DZIP1L: variants seen among roughly 807,000 people sequenced by gnomAD.
The protein encoded by DZIP1L is DAZ interacting zinc finger protein 1 like, also known as cilium assembly protein DZIP1L.
DZIP1L carries 90 observed loss-of-function variants against 88.7 expected under a neutral mutation model. The observed-to-expected ratio is 1.02, with a 90% CI of 0.86 to 1.21. The LOEUF (loss-of-function observed/expected upper bound fraction) is 1.21. Among genes scored for constraint, DZIP1L ranks in the 50% most tolerant of loss-of-function variants. The pLI is 0.00. For synonymous variants in DZIP1L, 363 were observed against 372.1 expected (o/e 0.98, Z 0.28); for missense variants, 932 against 955.8 (o/e 0.98, Z 0.33).
intron 12 of DZIP1L, among the ~76,000 whole-genome samples, chr3:138,069,488 T>C (rs898454440): frequency 2.6e-5 from 4 of 152,174 alleles, no homozygotes; most frequent in Admixed American, 2.0e-4. Flanking sequence ...AGCTATGCAC[T>C]GCTCTCAGTG....
intron 2 of DZIP1L, among the ~76,000 whole-genome samples, chr3:138,099,542 T>C (rs1251268945): frequency 6.6e-6 from 1 of 152,194 alleles, no homozygotes; most frequent in Non-Finnish European, 1.5e-5. Context: ...ATTGTTTGAA[T>C]GTTTGTCCCT....
intron 4 of DZIP1L, 28 bp from the exon 5 acceptor site, chr3:138,092,572 T>A: frequency 6.5e-7 from 1 of 1,541,506 alleles, no homozygotes; most frequent in Non-Finnish European, 8.7e-7. Context: ...AACAATATGA[T>A]GATTAATTCC....
chr3:138,090,228 A>C (rs1944144305), intron 5 of DZIP1L, among the ~76,000 whole-genome samples: 1 of 152,206 alleles, frequency 6.6e-6, no homozygotes, highest in South Asian at 2.1e-4. Flanking sequence ...ATCCAAGTTA[A>C]AAAGGATATC....
At chr3:138,072,160 G>C (rs1352686187) in intron 11 of DZIP1L, among the ~76,000 whole-genome samples, 1 of 152,178 alleles carries the variant, frequency 6.6e-6, no homozygotes, top group Non-Finnish European at 1.5e-5. Context: ...CTGAATCCTA[G>C]GATAAGAGAC....
rs770287494 is a variant in DZIP1L at position 138,081,772 on chromosome 3, G to C, written c.1204-8C>G. On this transcript the variant is annotated splice_polypyrimidine_tract_variant and splice_region_variant and intron_variant, in intron 8 of 15. Coordinates refer to ENST00000327532, the MANE Select transcript of DZIP1L (RefSeq NM_173543.3). ...GAGAGACAAGGACTGGATCTGCAAA[G>C]AGGTGGAATAGAGCGGGTTACAACC... 5 of 1,613,340 alleles carry C rather than the reference G, an allele frequency of 3.1e-6. No homozygotes were observed.
chr3:138,110,137 C>T (rs572645040), intron 1 of DZIP1L, among the ~76,000 whole-genome samples: 6 of 152,112 alleles, frequency 3.9e-5, no homozygotes, highest in Non-Finnish European at 8.8e-5. Flanking sequence ...GTTACCATTG[C>T]TTTTGGTGTT....
intron 8 of DZIP1L, among the ~76,000 whole-genome samples, chr3:138,083,255 T>G (rs557178202): frequency 6.6e-6 from 1 of 152,082 alleles, no homozygotes; most frequent in Non-Finnish European, 1.5e-5. Context: ...AACTGAAAAG[T>G]AGCAAGACAG....
intron 10 of DZIP1L, chr3:138,080,296 A>G (rs1459866214): frequency 9.5e-6 from 3 of 316,324 alleles, no homozygotes; most frequent in South Asian, 4.8e-5. Context: ...ATCCTCACTC[A>G]GTTACCTGCT....
chr3:138,080,513 G>C (rs950709728), intron 10 of DZIP1L, 54 bp downstream of exon 10: 45 of 1,591,624 alleles, frequency 2.8e-5, no homozygotes, highest in Admixed American at 5.0e-5. Flanking sequence ...ACAAGGAGGA[G>C]GGCAGCAAAT....
At chr3:138,110,004 T>C (rs2042591752) in intron 1 of DZIP1L, among the ~76,000 whole-genome samples, 2 of 151,838 alleles carry the variant, frequency 1.3e-5, no homozygotes, top group South Asian at 2.1e-4. Context: ...GGTTCATAGG[T>C]GCAGCAAAAC....
intron 1 of DZIP1L, among the ~76,000 whole-genome samples, chr3:138,114,414 G>T (rs2042660617): frequency 6.6e-6 from 1 of 152,168 alleles, no homozygotes; most frequent in Non-Finnish European, 1.5e-5. Context: ...AGATGAGGGA[G>T]GTGTCTGACC....
chr3:138,094,919 CT>C lies in DZIP1L; in HGVS notation c.650del (p.Lys217SerfsTer30). 1 of 1,614,254 alleles carries C rather than the reference CT, an allele frequency of 6.2e-7. No individual in the cohort carries two copies. Among genetic ancestry groups the C allele is most frequent in the Non-Finnish European group, 8.5e-7 (1 of 1,180,050 alleles). On this transcript the variant is annotated frameshift_variant, in exon 4 of 16. Coordinates refer to ENST00000327532, the MANE Select transcript of DZIP1L (RefSeq NM_173543.3). LOFTEE classifies it high-confidence loss of function. Reference protein sequence around the residue: ...EVLEELRAKLKWTQGELEAQR... With the variant: ...EVLEELRAKLXWTQGELEAQR... Reference sequence around the variant, plus strand: ...GGGCTTCCAGCTCCCCTTGGGTCCACTTTAGCTTGGCCCGTAGCTCTTCTAA... The same window carrying C: ...GGGCTTCCAGCTCCCCTTGGGTCCACTTAGCTTGGCCCGTAGCTCTTCTAA...
intron 5 of DZIP1L, 47 bp downstream of exon 5, chr3:138,092,336 G>A: frequency 6.7e-7 from 1 of 1,482,352 alleles, no homozygotes; most frequent in Middle Eastern, 1.9e-4. Context: ...TTGAGAATAA[G>A]CAGATTTCCA....
intron 1 of DZIP1L, among the ~76,000 whole-genome samples, chr3:138,109,583 A>G (rs779102223): frequency 1.3e-5 from 2 of 152,220 alleles, no homozygotes; most frequent in Non-Finnish European, 2.9e-5. Flanking sequence ...CAGAAATACA[A>G]ATTGACCCAG....
chr3:138,083,194 T>C (rs949240141), intron 8 of DZIP1L, among the ~76,000 whole-genome samples: 2 of 152,152 alleles, frequency 1.3e-5, no homozygotes, highest in Non-Finnish European at 2.9e-5. Flanking sequence ...GTTTCCTCCT[T>C]AGGAAACCTC....
chr3:138,063,098 A>T lies in DZIP1L; in HGVS notation c.2143-121T>A. ...ATGGGGACAAATGCAGACTGGGAAG[A>T]AAGCAATAGGGAGATGCTACTCCTC... On this transcript the variant is annotated intron_variant, in intron 15 of 15. Coordinates refer to ENST00000327532, the MANE Select transcript of DZIP1L (RefSeq NM_173543.3). This position sits in a 1 kb window ranked among gnomAD's most constrained non-coding sequence, Gnocchi z 4.1. The T allele has an allele frequency of 9.0e-7, 1 of 1,111,986 alleles. No individual in the cohort carries two copies. The highest frequency in any genetic ancestry group is 1.3e-6 in the Non-Finnish European group (1 of 778,170). 68.9% of individuals were successfully genotyped at this position (1,111,986 alleles called of 1,614,324 possible).
In DZIP1L at chr3:138,071,818, C is replaced by T. The variant is rs1380217467; in HGVS notation, c.1440G>A (p.Ser480=). 10 of 1,613,322 alleles carry T rather than the reference C, an allele frequency of 6.2e-6. No homozygotes were observed. The highest frequency in any genetic ancestry group is 8.5e-6 in the Non-Finnish European group (10 of 1,179,768). ...ATTCCAGGTGTCTGAGAGTCTGAAT[C>T]GAGATTCCCTTTGCATCCTAGAGGA... ...MGIRKDAKGI[S]IQTLRHLESL... is the part of the protein sequence containing the mutation. Residue 480 remains serine, a synonymous_variant, in exon 12 of 16, where the codon TCG becomes TCA. Transcript: ENST00000327532.
At chr3:138,096,523 TTA>T (rs1944471578) in intron 3 of DZIP1L, among the ~76,000 whole-genome samples, 1 of 152,216 alleles carries the variant, frequency 6.6e-6, no homozygotes, top group Non-Finnish European at 1.5e-5. Context: ...AAAGCGCACA[TTA>T]TATGATTATA....
Position 138,103,740 on chromosome 3 carries a change from GC to G in DZIP1L, c.231del (p.Gln77HisfsTer28), listed in dbSNP as rs1464654689. 2 of 1,613,802 alleles carry G rather than the reference GC, an allele frequency of 1.2e-6. No individual in the cohort carries two copies. The highest frequency in any genetic ancestry group is 8.5e-7 in the Non-Finnish European group (1 of 1,180,040). On this transcript the variant is annotated frameshift_variant, in exon 2 of 16. Transcript: ENST00000327532. LOFTEE classifies it high-confidence loss of function. ...ACCTTGAGCAGTGCCGGGTCCACAG[GC>G]TGCCCACAGCGGCTGCACACCTCCC... The part of the protein sequence containing the change: ...LDREVCSRCG[Q>X]PVDPALLKVL...
Sources: gnomAD v4.1 joint callset for allele counts (sites outside exome capture counted in the v4.1 genomes callset) on GRCh38, gnomAD v4.1.1 for gene constraint, Gnocchi (gnomAD v3.1) non-coding constraint, MANE v1.5 for transcripts, NCBI Gene and HGNC (gene_info 2026-07-23, HGNC 2026-07-21) for gene names.